The following RERE variants were observed in gnomAD, a reference collection of about 807,000 sequenced individuals.
The protein encoded by RERE is arginine-glutamic acid dipeptide repeats, also known as arginine-glutamic acid dipeptide repeats protein.
In RERE, 40 loss-of-function variants were observed where a neutral mutation model predicts 146.1. The ratio of observed to expected loss-of-function variants is 0.27; its 90% CI spans 0.21 to 0.36. RERE has a LOEUF of 0.36. RERE is among the 10% of genes least tolerant of loss of function. RERE has a pLI of 1.00. For synonymous variants in RERE, 1,003 were observed against 866.0 expected (o/e 1.16, Z -2.78); for missense variants, 1,933 against 2,138.7 (o/e 0.90, Z 1.90).
chr1:8,375,462 G>A (rs529632445), intron 12 of RERE, among the ~76,000 whole-genome samples: 2 of 152,370 alleles, frequency 1.3e-5, no homozygotes, highest in South Asian at 4.1e-4. Context: ...GGAAGTGGCT[G>A]CTCTGAAGGT....
intron 1 of RERE, among the ~76,000 whole-genome samples, chr1:8,811,690 G>C (rs1345095921): frequency 1.3e-5 from 2 of 152,218 alleles, no homozygotes; most frequent in East Asian, 3.8e-4. Flanking sequence ...CTAAGTGTGT[G>C]CATGGCTGCG....
intron 7 of RERE, among the ~76,000 whole-genome samples, chr1:8,531,210 G>A (rs976806231): frequency 3.9e-5 from 6 of 151,992 alleles, no homozygotes; most frequent in Admixed American, 2.0e-4. Flanking sequence ...ATGAGAGGCC[G>A]AAGTGGTGGG....
At chr1:8,597,928 T>C (rs971256406) in intron 4 of RERE, among the ~76,000 whole-genome samples, 1 of 152,108 alleles carries the variant, frequency 6.6e-6, no homozygotes, top group Non-Finnish European at 1.5e-5. Flanking sequence ...CAGGAAGGTA[T>C]CTCATCCAAG....
At chr1:8,732,735 G>T (rs1210092457) in intron 1 of RERE, among the ~76,000 whole-genome samples, 5 of 151,402 alleles carry the variant, frequency 3.3e-5, no homozygotes, top group Admixed American at 3.3e-4. Context: ...ATAATAGGGG[G>T]AACTCTGTGT....
intron 1 of RERE, among the ~76,000 whole-genome samples, chr1:8,771,211 T>C (rs1328100364): frequency 6.6e-6 from 1 of 152,126 alleles, no homozygotes; most frequent in Non-Finnish European, 1.5e-5. Context: ...CTAACAGCTA[T>C]CATTTTGGAG....
chr1:8,498,730 T>TATACACACAC (rs1645083345), intron 8 of RERE, among the ~76,000 whole-genome samples: 1 of 11,858 alleles, frequency 8.4e-5, no homozygotes, highest in Non-Finnish European at 2.1e-4. Flanking sequence ...AAAATAAATA[T>TATACACACAC]ATACACACAC....
intron 10 of RERE, among the ~76,000 whole-genome samples, chr1:8,480,138 TTTTTG>T (rs1644813636): frequency 2.8e-5 from 3 of 108,540 alleles, no homozygotes; most frequent in Non-Finnish European, 3.6e-5. Flanking sequence ...GTTTTTTTTT[TTTTTG>T]TTTTTTTTTT....
At chr1:8,634,300 A>G (rs1647069903) in intron 2 of RERE, among the ~76,000 whole-genome samples, 1 of 152,214 alleles carries the variant, frequency 6.6e-6, no homozygotes, top group African/African-American at 2.4e-5. Context: ...CTAACGTATC[A>G]CTTCCCTAAA....
In RERE at chr1:8,724,903, C is replaced by G. The variant is rs1569639410; in HGVS notation, c.-144-68462G>C. Among the ~76,000 whole-genome samples the G allele has an allele frequency of 2.9e-5, 4 of 138,360 alleles. No individual in the cohort carries two copies. The South Asian group carries it at 9.2e-4, about 32-fold the overall frequency. 90.8% of individuals were successfully genotyped at this position (138,360 alleles called of 152,430 possible). On this transcript the variant is annotated intron_variant, in intron 1 of 22. Coordinates refer to ENST00000400908, the MANE Select transcript of RERE (RefSeq NM_001042681.2). Reference sequence around the variant, plus strand: ...AAAAAAAAAAAAACAACTCAACCTTCTTTCCTAGAAACTTTCTAATTAACT... The same window carrying G: ...AAAAAAAAAAAAACAACTCAACCTTGTTTCCTAGAAACTTTCTAATTAACT...
At chr1:8,486,034 G>A (rs1644894262) in intron 10 of RERE, among the ~76,000 whole-genome samples, 1 of 152,078 alleles carries the variant, frequency 6.6e-6, no homozygotes. Flanking sequence ...TCTTGACCTT[G>A]TGACCCGCCC....
chr1:8,395,345 C>T (rs1643019382), intron 12 of RERE, among the ~76,000 whole-genome samples: 2 of 151,816 alleles, frequency 1.3e-5, no homozygotes, highest in African/African-American at 4.8e-5. Flanking sequence ...CGTGGTGGCA[C>T]ACGCCTGTAG....
rs71641058 is a variant in RERE at position 8,686,927 on chromosome 1, G to A, written c.-144-30486C>T. Among the ~76,000 whole-genome samples, 1,421 of 152,280 alleles carry A rather than the reference G, an allele frequency of 9.3e-3. 11 individuals are homozygous for A. Among genetic ancestry groups the A allele is most frequent in the Non-Finnish European group, 0.015 (989 of 68,024 alleles). On this transcript the variant is annotated intron_variant, in intron 1 of 22. Coordinates refer to ENST00000400908, the MANE Select transcript of RERE (RefSeq NM_001042681.2). ...AAACATATCCCAGGCAGAAGGAACAGTCAGTGCAGAGGCCTTAGTGATCAT... is the reference window on the plus strand; with the variant it reads ...AAACATATCCCAGGCAGAAGGAACAATCAGTGCAGAGGCCTTAGTGATCAT...
At chr1:8,508,762 C>T (rs1645290491) in intron 7 of RERE, 87 bp from the exon 8 acceptor site, 1 of 1,080,706 alleles carries the variant, frequency 9.3e-7, no homozygotes. Context: ...TAATTCTCTT[C>T]AAATAAATGA....
At chr1:8,486,379 A>G (rs905089708) in intron 10 of RERE, among the ~76,000 whole-genome samples, 23 of 152,348 alleles carry the variant, frequency 1.5e-4, no homozygotes, top group African/African-American at 5.3e-4. Flanking sequence ...TTAGAAATCA[A>G]TAACATTCCA....
At chr1:8,610,370 C>G (rs1557433358) in intron 4 of RERE, among the ~76,000 whole-genome samples, 1 of 151,980 alleles carries the variant, frequency 6.6e-6, no homozygotes, top group Non-Finnish European at 1.5e-5. Context: ...GCGGGCAGAT[C>G]ACAAGGTCAG....
intron 8 of RERE, among the ~76,000 whole-genome samples, chr1:8,504,267 G>A (rs778762960): frequency 2.6e-5 from 4 of 152,156 alleles, no homozygotes; most frequent in Non-Finnish European, 4.4e-5. Flanking sequence ...TGTATAAGGT[G>A]AGGCAGTAAA....
intron 5 of RERE, 54 bp downstream of exon 5, chr1:8,557,364 G>C: frequency 8.5e-7 from 1 of 1,171,242 alleles, no homozygotes; most frequent in Non-Finnish European, 1.3e-6. Flanking sequence ...TCTTTAGAAA[G>C]AACTTTGCCC....
intron 2 of RERE, among the ~76,000 whole-genome samples, chr1:8,626,352 C>T (rs1339327094): frequency 1.3e-5 from 2 of 152,174 alleles, no homozygotes; most frequent in African/African-American, 2.4e-5. Context: ...TCAACATGCC[C>T]TCTCCTTTCT....
intron 6 of RERE, among the ~76,000 whole-genome samples, chr1:8,556,163 T>A (rs1361406735): frequency 6.6e-6 from 1 of 151,828 alleles, no homozygotes; most frequent in East Asian, 1.9e-4. Context: ...TCGGAACATT[T>A]CACCCACATA....
Sources: allele counts gnomAD v4.1 joint callset (sites outside exome capture counted in the v4.1 genomes callset), GRCh38; gene constraint gnomAD v4.1.1; transcripts MANE v1.5; gene names NCBI Gene and HGNC (gene_info 2026-07-23, HGNC 2026-07-21).